The following TMEM79 variants were observed in gnomAD, a reference collection of about 807,000 sequenced individuals.
TMEM79 encodes mattrin.
Under a neutral mutation model 31.2 loss-of-function variants are expected in TMEM79, and 30 were observed. The observed-to-expected ratio is 0.96, with a 90% CI of 0.72 to 1.30. TMEM79 has a LOEUF of 1.30. TMEM79 is among the 50% of genes most tolerant of loss of function. TMEM79 has a pLI of 0.00. For missense variants in TMEM79, 509 were observed against 528.2 expected, an observed-to-expected ratio of 0.96 and a Z score of 0.36; for synonymous variants, 213 against 229.5, an observed-to-expected ratio of 0.93 and a Z score of 0.65.
At position 156,285,747 on chromosome 1, in the gene TMEM79, G is replaced by A; in HGVS notation, c.521G>A (p.Trp174Ter). The A allele has an allele frequency of 6.2e-7, 1 of 1,613,330 alleles. No homozygotes were observed. The highest frequency in any genetic ancestry group is 8.5e-7 in the Non-Finnish European group (1 of 1,180,002). ...CACCCCGACCCCACTGAGCGCAAGT[G>A]GGCTGAGGCAGTGGTGAGGCCGCCT... ...VTHPDPTERK[W>*]AEAVVRPPGC... Residue 174 changes from tryptophan (W) to a stop codon, truncating the protein, a stop_gained, in exon 2 of 4, where the codon TGG becomes TAG. Transcript: ENST00000405535. LOFTEE classifies it high-confidence loss of function.
intron 1 of TMEM79, among the ~76,000 whole-genome samples, 154 bp downstream of exon 1, chr1:156,284,560 A>G (rs1279863022): frequency 1.3e-5 from 2 of 152,152 alleles, no homozygotes; most frequent in Non-Finnish European, 2.9e-5. Context: ...GATCAGACCT[A>G]AATATCAGAA....
rs771972263 is a variant in TMEM79 at position 156,285,938 on chromosome 1, T to C, written c.712T>C (p.Tyr238His). Residue 238 changes from tyrosine (Y) to histidine (H), a missense_variant, in exon 2 of 4, where the codon TAC becomes CAC. By Grantham distance (83) the Tyr-to-His change is moderately conservative. Coordinates refer to ENST00000405535, the MANE Select transcript of TMEM79 (RefSeq NM_032323.3). ...GCCCACCATGAGTTCCCGCCTGATC[T>C]ACACACTGCGCTGCGGGGTCTTTGC... Reference protein sequence around the residue: ...RLPTMSSRLIYTLRCGVFATF... With the variant: ...RLPTMSSRLIHTLRCGVFATF... 2 of 1,613,326 alleles carry C rather than the reference T, an allele frequency of 1.2e-6. No individual in the cohort carries two copies. The highest frequency in any genetic ancestry group is 1.1e-5 in the South Asian group (1 of 90,990).
At chr1:156,289,020 G>C (rs1663243586) in intron 3 of TMEM79, among the ~76,000 whole-genome samples, 1 of 152,304 alleles carries the variant, frequency 6.6e-6, no homozygotes, top group South Asian at 2.1e-4. Context: ...CGGCAATAGT[G>C]GCAGGACTAG....
intron 2 of TMEM79, 121 bp downstream of exon 2, chr1:156,286,104 C>A (rs1663151923): frequency 6.9e-7 from 1 of 1,439,838 alleles, no homozygotes; most frequent in Non-Finnish European, 9.4e-7. Flanking sequence ...GTCTCCCACC[C>A]CCTGCCAGTC....
chr1:156,285,402 T>C lies in TMEM79; in HGVS notation c.176T>C (p.Ile59Thr), dbSNP rs892227364. ...TCTTCAGCTGGATCTCCCACAGCCA[T>C]AGAGGGGGCTGAGGATGGTCTAGAC... ...VGSSAGSPTA[I>T]EGAEDGLDST... Residue 59 changes from isoleucine (I) to threonine (T), a missense_variant, in exon 2 of 4, where the codon ATA becomes ACA. Coordinates refer to ENST00000405535, the MANE Select transcript of TMEM79 (RefSeq NM_032323.3). 3 of 1,602,424 alleles carry C rather than the reference T, an allele frequency of 1.9e-6. No homozygotes were observed. Among genetic ancestry groups the C allele is most frequent in the Non-Finnish European group, 2.6e-6 (3 of 1,173,456 alleles).
chr1:156,286,187 G>T, intron 2 of TMEM79, 73 bp from the exon 3 acceptor site: 2 of 1,493,438 alleles, frequency 1.3e-6, no homozygotes, highest in East Asian at 2.3e-5. Flanking sequence ...CAGTGAATCT[G>T]CCCCCAGCTT....
chr1:156,289,665 T>C (rs370841572), intron 3 of TMEM79, among the ~76,000 whole-genome samples: 20 of 152,342 alleles, frequency 1.3e-4, no homozygotes, highest in African/African-American at 4.8e-4. Flanking sequence ...CATTATACTA[T>C]GCTGCTTCCT....
intron 3 of TMEM79, among the ~76,000 whole-genome samples, chr1:156,289,887 A>G (rs959760579): frequency 2.6e-5 from 4 of 152,198 alleles, no homozygotes; most frequent in Admixed American, 2.6e-4. Context: ...CTGGGCTTCA[A>G]GCCCTCCTAG....
At chr1:156,285,062 A>G in intron 1 of TMEM79, 122 bp from the exon 2 acceptor site, 1 of 696,372 alleles carries the variant, frequency 1.4e-6, no homozygotes, top group African/African-American at 1.8e-5. Context: ...CGTTCTCCCT[A>G]AGGCTCCAGA....
At chr1:156,283,240 G>A (rs28372828), upstream of TMEM79, among the ~76,000 whole-genome samples, 1 of 152,048 alleles carries the variant, frequency 6.6e-6, no homozygotes, top group Non-Finnish European at 1.5e-5. Context: ...GCATGTGAAA[G>A]TTTCCTTGGA....
chr1:156,288,817 A>T (rs1443421750), intron 3 of TMEM79, among the ~76,000 whole-genome samples: 1 of 152,198 alleles, frequency 6.6e-6, no homozygotes, highest in Non-Finnish European at 1.5e-5. Flanking sequence ...CCCAAAATAA[A>T]TATGTTCCTG....
intron 3 of TMEM79, among the ~76,000 whole-genome samples, chr1:156,288,501 A>G (rs984904987): frequency 6.0e-5 from 9 of 151,174 alleles, no homozygotes; most frequent in Admixed American, 1.3e-4. Context: ...TGCCCAGCTA[A>G]TTTTTTTTGT....
rs2101587367 is a variant in TMEM79, at chr1:156,285,708, C to T, written c.482C>T (p.Pro161Leu). Residue 161 changes from proline to leucine, a missense_variant, in exon 2 of 4, where the codon CCC becomes CTC. Transcript: ENST00000405535. Reference protein sequence around the residue: ...AGEGECRTFMPPRVTHPDPTE... With the variant: ...AGEGECRTFMLPRVTHPDPTE... ...GAGGGCGAGTGCCGAACCTTCATGC[C>T]CCCCCGGGTCACCCACCCCGACCCC... 1.9e-6 allele frequency: 3 copies of T among 1,613,392 alleles called. No individual in the cohort carries two copies. The highest frequency in any genetic ancestry group is 2.2e-5 in the East Asian group (1 of 44,888).
rs370869076 is a variant in TMEM79, at chr1:156,285,711, C to A, written c.485C>A (p.Pro162His). Residue 162 changes from proline (P) to histidine (H), a missense_variant, in exon 2 of 4, where the codon CCC (proline) becomes CAC (histidine). Transcript: ENST00000405535. ...GGCGAGTGCCGAACCTTCATGCCCC[C>A]CCGGGTCACCCACCCCGACCCCACT... The part of the protein sequence containing the change: ...GEGECRTFMP[P>H]RVTHPDPTER... 1.6e-4 allele frequency: 254 copies of A among 1,613,250 alleles called. No homozygotes were observed. Among genetic ancestry groups the A allele is most frequent in the Non-Finnish European group, 2.0e-4 (239 of 1,180,030 alleles).
Position 156,286,326 on chromosome 1 carries a change from G to A in TMEM79, c.824G>A (p.Arg275Gln), listed in dbSNP as rs563432840. The change falls in exon 3 of 4, where the codon CGG (arginine) becomes CAG (glutamine). Residue 275 changes from arginine to glutamine, a missense_variant. By Grantham distance (43) the Arg-to-Gln change is conservative. Coordinates refer to ENST00000405535, the MANE Select transcript of TMEM79 (RefSeq NM_032323.3). ...CTTCGGCCCTTTGGGGAGCCACGGC[G>A]GGAGGTGGAGATCCACCGGCGATAT... ...SALRPFGEPRREVEIHRRYVA... is the reference protein window; with the variant it reads ...SALRPFGEPRQEVEIHRRYVA... 8.7e-5 allele frequency: 141 copies of A among 1,614,188 alleles called. 2 individuals carry two copies. The Middle Eastern group carries it at 1.2e-3, about 13-fold the overall frequency.
At chr1:156,286,176 A>G (rs1663153945) in intron 2 of TMEM79, 84 bp from the exon 3 acceptor site, 1 of 1,445,736 alleles carries the variant, frequency 6.9e-7, no homozygotes, top group Admixed American at 1.8e-5. Context: ...TGCACTGCCC[A>G]CAGTGAATCT....
rs1663147570 is a variant in TMEM79, at chr1:156,285,961, T to G, written c.735T>G (p.Phe245Leu). ...TCTACACACTGCGCTGCGGGGTCTT[T>G]GCCACCTTCCCCATTGTGCTGGGTG... ...RLIYTLRCGV[F>L]ATFPIVLGIL... Residue 245 changes from phenylalanine to leucine, a missense_variant, in exon 2 of 4, where the codon TTT becomes TTG. Transcript: ENST00000405535. The G allele has an allele frequency of 6.2e-7, 1 of 1,608,990 alleles. No individual in the cohort carries two copies. The highest frequency in any genetic ancestry group is 1.3e-5 in the African/African-American group (1 of 74,876).
chr1:156,285,384 C>T lies in TMEM79; in HGVS notation c.158C>T (p.Ala53Val), dbSNP rs1220376873. The stretch of plus-strand genomic sequence containing the variant: ...GAGTCCCTCAGAGTGGGGTCTTCAG[C>T]TGGATCTCCCACAGCCATAGAGGGG... The part of the protein sequence containing the change: ...GAESLRVGSS[A>V]GSPTAIEGAE... Residue 53 changes from alanine to valine, a missense_variant, in exon 2 of 4, where the codon GCT becomes GTT. Transcript: ENST00000405535. 6 of 1,586,618 alleles carry T rather than the reference C, an allele frequency of 3.8e-6. No homozygotes were observed. The highest frequency in any genetic ancestry group is 3.4e-6 in the Non-Finnish European group (4 of 1,165,660).
At chr1:156,290,449 G>A (rs1663282173) in intron 3 of TMEM79, 1 of 151,104 alleles carries the variant, frequency 6.6e-6, no homozygotes, top group Non-Finnish European at 1.5e-5. Context: ...AGGCACTTTG[G>A]TAGGCTGTGG....
Sources: allele counts gnomAD v4.1 joint callset (sites outside exome capture counted in the v4.1 genomes callset), GRCh38; gene constraint gnomAD v4.1.1; transcripts MANE v1.5; gene names NCBI Gene and HGNC (gene_info 2026-07-23, HGNC 2026-07-21).